Variants in AGBL1 observed in about 807,000 individuals in gnomAD.
AGBL1 encodes the protein AGBL carboxypeptidase 1.
In AGBL1, 130 loss-of-function variants were observed where a neutral mutation model predicts 118.9. That is an observed-to-expected ratio of 1.09 (90% CI 0.95 to 1.26). AGBL1 has a LOEUF of 1.26. Among genes scored for constraint, AGBL1 ranks in the 50% most tolerant of loss-of-function variants. The pLI, the probability that AGBL1 is intolerant of heterozygous loss-of-function variation, is 0.00. For synonymous variants in AGBL1, 555 were observed against 478.9 expected (o/e 1.16, Z -2.08); for missense variants, 1,584 against 1,298.1 (o/e 1.22, Z -3.38).
At chr15:86,808,382 G>A (rs2078745875) in intron 22 of AGBL1, among the ~76,000 whole-genome samples, 1 of 152,146 alleles carries the variant, frequency 6.6e-6, no homozygotes, top group Non-Finnish European at 1.5e-5. Context: ...GCATGTCATT[G>A]AGTTGACATA....
intron 17 of AGBL1, among the ~76,000 whole-genome samples, chr15:86,313,737 A>T (rs2079955615): frequency 6.6e-6 from 1 of 152,228 alleles, no homozygotes; most frequent in Non-Finnish European, 1.5e-5. Context: ...CTTTGTTCAT[A>T]GCACCTGCTG....
chr15:86,562,317 A>T (rs1392641158), intron 21 of AGBL1, among the ~76,000 whole-genome samples: 1 of 152,186 alleles, frequency 6.6e-6, no homozygotes, highest in Non-Finnish European at 1.5e-5. Flanking sequence ...GATATGTCCC[A>T]TCAATACCTA....
intron 18 of AGBL1, among the ~76,000 whole-genome samples, chr15:86,462,590 C>T (rs1427098598): frequency 2.0e-5 from 3 of 152,090 alleles, no homozygotes; most frequent in Non-Finnish European, 4.4e-5. Flanking sequence ...CCCCTTGCCC[C>T]CACCTCCCAA....
intron 18 of AGBL1, among the ~76,000 whole-genome samples, chr15:86,489,728 T>C (rs1334668243): frequency 1.3e-5 from 2 of 152,156 alleles, no homozygotes; most frequent in East Asian, 3.9e-4. Context: ...GTCAGGCCTG[T>C]AAAGCCCAAG....
At chr15:86,245,849 G>A (rs2141987782) in intron 6 of AGBL1, among the ~76,000 whole-genome samples, 1 of 152,224 alleles carries the variant, frequency 6.6e-6, no homozygotes, top group East Asian at 1.9e-4. Context: ...CCTTAACTGT[G>A]AGGAATTCCT....
At chr15:86,839,656 T>C (rs1390817460) in intron 22 of AGBL1, among the ~76,000 whole-genome samples, 1 of 152,130 alleles carries the variant, frequency 6.6e-6, no homozygotes, top group East Asian at 1.9e-4. Context: ...CCTTAGCAGA[T>C]ATGACAACTA....
At chr15:86,715,099 G>C (rs1052208852) in intron 22 of AGBL1, among the ~76,000 whole-genome samples, 2 of 152,172 alleles carry the variant, frequency 1.3e-5, no homozygotes, top group African/African-American at 4.8e-5. Flanking sequence ...CTTTTAGGAA[G>C]GGGAGATGTA....
intron 18 of AGBL1, among the ~76,000 whole-genome samples, chr15:86,502,732 C>T (rs1387986669): frequency 1.3e-5 from 2 of 151,328 alleles, no homozygotes; most frequent in African/African-American, 4.8e-5. Context: ...GATTTACATA[C>T]ATTGAACAAA....
At chr15:86,176,845 T>C (rs2077488983) in intron 5 of AGBL1, among the ~76,000 whole-genome samples, 2 of 152,168 alleles carry the variant, frequency 1.3e-5, no homozygotes. Flanking sequence ...GGCTCTCCTG[T>C]GGCTAGGATT....
chr15:86,569,333 A>G (rs1391251057), intron 21 of AGBL1, among the ~76,000 whole-genome samples: 3 of 151,598 alleles, frequency 2.0e-5, no homozygotes. Flanking sequence ...TGGTAGGCTG[A>G]GGTTACGGTG....
rs558116400 is a variant in AGBL1, at chr15:86,916,055, A to G, written c.*8761A>G. 1 of 152,366 alleles carries G rather than the reference A, an allele frequency of 6.6e-6. No individual in the cohort carries two copies. Among genetic ancestry groups the G allele is most frequent in the South Asian group, 2.1e-4 (1 of 4,832 alleles). The allele number at this position is 152,366 out of a possible 1,614,324, so 9.4% of individuals were successfully genotyped here. Reference sequence around the variant, plus strand: ...TCCAATCACCGACTGTCCTGTCTACATTAGCATTCACCCCGGGTGTCTATA... The same window carrying G: ...TCCAATCACCGACTGTCCTGTCTACGTTAGCATTCACCCCGGGTGTCTATA... On this transcript the variant is annotated 3_prime_UTR_variant, in exon 23 of 23. Coordinates refer to ENST00000614907, the MANE Select transcript of AGBL1 (RefSeq NM_001386094.1).
At chr15:86,769,064 T>C (rs2078135100) in intron 22 of AGBL1, among the ~76,000 whole-genome samples, 1 of 151,940 alleles carries the variant, frequency 6.6e-6, no homozygotes. Flanking sequence ...CAGTTGCCAG[T>C]GTCCAATCCT....
chr15:86,564,822 G>A (rs1462094890), intron 21 of AGBL1, among the ~76,000 whole-genome samples: 1 of 152,156 alleles, frequency 6.6e-6, no homozygotes, highest in Admixed American at 6.5e-5. Flanking sequence ...TGGAGGCTTT[G>A]TTTGTTTGTT....
intron 21 of AGBL1, among the ~76,000 whole-genome samples, chr15:86,605,260 T>C (rs895908588): frequency 1.3e-5 from 2 of 152,214 alleles, no homozygotes; most frequent in African/African-American, 4.8e-5. Flanking sequence ...GAATATCCTT[T>C]TCATTACAAA....
chr15:86,999,289 T>C (rs1419672795), intron 24 of AGBL1, among the ~76,000 whole-genome samples: 1 of 151,742 alleles, frequency 6.6e-6, no homozygotes, highest in Admixed American at 6.6e-5. Context: ...GTTACATGTG[T>C]GTACATGTGC....
chr15:86,349,427 T>C (rs556140837), intron 17 of AGBL1, among the ~76,000 whole-genome samples: 3 of 152,352 alleles, frequency 2.0e-5, no homozygotes, highest in East Asian at 3.9e-4. Context: ...AATATTTTAT[T>C]ATGTATGCTT....
chr15:86,485,530 A>G (rs2082701849), intron 18 of AGBL1, among the ~76,000 whole-genome samples: 1 of 152,156 alleles, frequency 6.6e-6, no homozygotes, highest in Non-Finnish European at 1.5e-5. Context: ...GCCACAGACA[A>G]TAACTAAAAA....
chr15:86,444,815 C>A (rs1047397732), intron 18 of AGBL1, among the ~76,000 whole-genome samples: 1 of 152,114 alleles, frequency 6.6e-6, no homozygotes, highest in African/African-American at 2.4e-5. Context: ...AGTCCCATGA[C>A]AACCACATTC....
chr15:86,340,298 C>G (rs1011675295), intron 17 of AGBL1, among the ~76,000 whole-genome samples: 3 of 151,666 alleles, frequency 2.0e-5, no homozygotes, highest in East Asian at 1.9e-4. Flanking sequence ...TCCACTGCCC[C>G]CCCCCCATTC....
Sources: gnomAD v4.1 joint callset for allele counts (sites outside exome capture counted in the v4.1 genomes callset) on GRCh38, gnomAD v4.1.1 for gene constraint, MANE v1.5 for transcripts, NCBI Gene and HGNC (gene_info 2026-07-23, HGNC 2026-07-21) for gene names.